NIPAL2: variants seen among roughly 807,000 people sequenced by gnomAD.
The protein encoded by NIPAL2 is NIPA like domain containing 2, also known as NIPA-like protein 2.
In NIPAL2, 43 loss-of-function variants were observed where a neutral mutation model predicts 48.9. The observed-to-expected ratio is 0.88, with a 90% CI of 0.69 to 1.13. NIPAL2 has a LOEUF of 1.13. Among genes scored for constraint, NIPAL2 ranks in the 50% most tolerant of loss-of-function variants. The pLI is 0.00. For synonymous variants in NIPAL2, 167 were observed against 174.6 expected (o/e 0.96, Z 0.34); for missense variants, 446 against 461.4 (o/e 0.97, Z 0.31).
intron 3 of NIPAL2, among the ~76,000 whole-genome samples, chr8:98,251,061 G>T (rs903792772): frequency 5.9e-5 from 9 of 151,752 alleles, no homozygotes; most frequent in Admixed American, 4.6e-4. Context: ...CCCGCAAAAG[G>T]CTTCCCAGGA....
chr8:98,238,954 C>G (rs1812852682), intron 3 of NIPAL2, among the ~76,000 whole-genome samples: 1 of 152,090 alleles, frequency 6.6e-6, no homozygotes, highest in Non-Finnish European at 1.5e-5. Flanking sequence ...AAAACCCAAA[C>G]CCCTACCCCA....
intron 1 of NIPAL2, among the ~76,000 whole-genome samples, chr8:98,270,285 A>G (rs957600766): frequency 1.3e-5 from 2 of 152,132 alleles, no homozygotes; most frequent in African/African-American, 4.8e-5. Context: ...GGGCTGAACA[A>G]TTTACATCCC....
chr8:98,199,724 T>C (rs1586292038), intron 8 of NIPAL2, among the ~76,000 whole-genome samples: 1 of 151,782 alleles, frequency 6.6e-6, no homozygotes, highest in Admixed American at 6.6e-5. Context: ...AGATATGAAG[T>C]GAGGACATGC....
intron 3 of NIPAL2, among the ~76,000 whole-genome samples, chr8:98,246,598 G>A (rs758285231): frequency 6.6e-6 from 1 of 152,100 alleles, no homozygotes; most frequent in Non-Finnish European, 1.5e-5. Flanking sequence ...GGCAATGATT[G>A]AGGTAATGAG....
At chr8:98,219,193 G>A (rs1253993652) in intron 5 of NIPAL2, among the ~76,000 whole-genome samples, 1 of 152,160 alleles carries the variant, frequency 6.6e-6, no homozygotes, top group Non-Finnish European at 1.5e-5. Context: ...GAGACTGTGG[G>A]ACATCCAGGG....
At chr8:98,263,604 C>T (rs982796230) in intron 1 of NIPAL2, among the ~76,000 whole-genome samples, 2 of 147,804 alleles carry the variant, frequency 1.4e-5, no homozygotes, top group Non-Finnish European at 3.0e-5. Flanking sequence ...CTGAATAGAC[C>T]AATAACAGGA....
chr8:98,254,720 C>T (rs775788472), intron 1 of NIPAL2, among the ~76,000 whole-genome samples: 3 of 152,258 alleles, frequency 2.0e-5, no homozygotes, highest in Non-Finnish European at 4.4e-5. Flanking sequence ...TATACCAGCT[C>T]ACCACAATTA....
chr8:98,261,012 G>C (rs570979987), intron 1 of NIPAL2, among the ~76,000 whole-genome samples: 3 of 152,054 alleles, frequency 2.0e-5, no homozygotes, highest in Non-Finnish European at 4.4e-5. Flanking sequence ...CCCACCAGCA[G>C]GGCACACTGA....
At position 98,190,733 on chromosome 8, in the gene NIPAL2, T is replaced by C. The variant is rs935322796; in HGVS notation, c.*2245A>G. ...GGGTAGTTGGGACAGACACCATGTC[T>C]GTCTGTTGGTACAGACAACACAAAC... On this transcript the variant is annotated 3_prime_UTR_variant, in exon 11 of 11. Coordinates refer to ENST00000430223, the MANE Select transcript of NIPAL2 (RefSeq NM_001321635.2). 1.3e-5 allele frequency: 2 copies of C among 152,240 alleles called. No individual in the cohort carries two copies. Among genetic ancestry groups the C allele is most frequent in the African/African-American group, 4.8e-5 (2 of 41,450 alleles). The allele number at this position is 152,240 out of a possible 1,614,324, so 9.4% of individuals were successfully genotyped here.
intron 1 of NIPAL2, among the ~76,000 whole-genome samples, chr8:98,264,046 C>T (rs1461395266): frequency 4.6e-5 from 7 of 151,458 alleles, no homozygotes; most frequent in Middle Eastern, 3.4e-3. Flanking sequence ...ATTATCTCAA[C>T]AGATGCAGAA....
At chr8:98,243,277 A>C (rs185649397) in intron 3 of NIPAL2, among the ~76,000 whole-genome samples, 48 of 152,366 alleles carry the variant, frequency 3.2e-4, no homozygotes, top group African/African-American at 1.1e-3. Context: ...GTTGGCAATC[A>C]AAATGGAGAT....
At chr8:98,194,861 A>C in intron 9 of NIPAL2, 39 bp from the exon 10 acceptor site, 1 of 1,195,310 alleles carries the variant, frequency 8.4e-7, no homozygotes, top group Non-Finnish European at 1.2e-6. Flanking sequence ...AAGAACACTG[A>C]AACAGACTCA....
At chr8:98,205,808 G>A (rs1811005216) in intron 6 of NIPAL2, among the ~76,000 whole-genome samples, 1 of 152,122 alleles carries the variant, frequency 6.6e-6, no homozygotes, top group African/African-American at 2.4e-5. Flanking sequence ...CTTTTGTTAG[G>A]AGACACCTAG....
chr8:98,241,363 C>T (rs1812972202), intron 3 of NIPAL2, among the ~76,000 whole-genome samples: 2 of 152,258 alleles, frequency 1.3e-5, no homozygotes, highest in Admixed American at 1.3e-4. Flanking sequence ...CTTTTCCACA[C>T]ACAATTTTAA....
intron 1 of NIPAL2, among the ~76,000 whole-genome samples, chr8:98,262,908 C>G (rs1471717976): frequency 6.6e-6 from 1 of 151,816 alleles, no homozygotes; most frequent in Non-Finnish European, 1.5e-5. Flanking sequence ...TGTGAAAGAA[C>G]AGAAATTATA....
intron 1 of NIPAL2, among the ~76,000 whole-genome samples, chr8:98,290,112 CA>C (rs1161635258): frequency 2.0e-5 from 3 of 152,170 alleles, no homozygotes; most frequent in African/African-American, 4.8e-5. Flanking sequence ...ATATTTAACA[CA>C]AGTGTCCTTA....
At chr8:98,243,196 G>A (rs1408948495) in intron 3 of NIPAL2, among the ~76,000 whole-genome samples, 3 of 152,156 alleles carry the variant, frequency 2.0e-5, no homozygotes, top group African/African-American at 7.2e-5. Flanking sequence ...AGCAGCAATT[G>A]CTGACTGCTG....
intron 6 of NIPAL2, among the ~76,000 whole-genome samples, chr8:98,207,352 T>A (rs952905095): frequency 2.0e-5 from 3 of 152,234 alleles, no homozygotes; most frequent in African/African-American, 7.2e-5. Context: ...GTCAACTGAT[T>A]AATCACTATT....
chr8:98,257,470 G>A (rs1423406636), intron 1 of NIPAL2, among the ~76,000 whole-genome samples: 1 of 151,714 alleles, frequency 6.6e-6, no homozygotes, highest in Non-Finnish European at 1.5e-5. Flanking sequence ...TGTTGGCCAG[G>A]ATGGTCTCGA....
Sources: gnomAD v4.1 joint callset for allele counts (sites outside exome capture counted in the v4.1 genomes callset) on GRCh38, gnomAD v4.1.1 for gene constraint, MANE v1.5 for transcripts, NCBI Gene and HGNC (gene_info 2026-07-23, HGNC 2026-07-21) for gene names.